SEC24D: variants seen among roughly 807,000 people sequenced by gnomAD.
The protein encoded by SEC24D is protein transport protein Sec24D.
A neutral mutation model predicts 116.9 loss-of-function variants in SEC24D; 69 were observed. The observed-to-expected ratio is 0.59, with a 90% CI of 0.49 to 0.72. The LOEUF is 0.72. Among genes scored for constraint, SEC24D ranks in the 30% least tolerant of loss-of-function variants. The pLI is 0.00. For missense variants in SEC24D, 1,131 were observed against 1,264.1 expected (o/e 0.89, Z 1.60); for synonymous variants, 405 against 442.8 (o/e 0.91, Z 1.07).
At chr4:118,731,227 T>C in intron 21 of SEC24D, 89 bp downstream of exon 21, 4 of 1,049,650 alleles carry the variant, frequency 3.8e-6, no homozygotes, top group Non-Finnish European at 5.7e-6. Context: ...ATTATTTTTC[T>C]TTCTGTAATA....
chr4:118,741,652 T>C (rs1194295479), intron 15 of SEC24D, among the ~76,000 whole-genome samples: 1 of 152,172 alleles, frequency 6.6e-6, no homozygotes, highest in African/African-American at 2.4e-5. Context: ...TGAAACTCTT[T>C]AGGAAATTCT....
At chr4:118,740,586 TG>T in intron 17 of SEC24D, 76 bp downstream of exon 17, 1 of 1,461,748 alleles carries the variant, frequency 6.8e-7, no homozygotes, top group South Asian at 1.2e-5. Flanking sequence ...ACACATTTGA[TG>T]GTATTTCAGT....
At chr4:118,750,211 G>A (rs1171888626) in intron 13 of SEC24D, among the ~76,000 whole-genome samples, 1 of 152,182 alleles carries the variant, frequency 6.6e-6, no homozygotes, top group Non-Finnish European at 1.5e-5. Context: ...AGCAACCTTG[G>A]AGAACATGGC....
chr4:118,732,270 G>A (rs2110431458), intron 20 of SEC24D, among the ~76,000 whole-genome samples: 1 of 152,158 alleles, frequency 6.6e-6, no homozygotes, highest in African/African-American at 2.4e-5. Context: ...ACGAGTAGCT[G>A]GGATTACAGG....
Position 118,815,697 on chromosome 4 carries a change from G to T in SEC24D, c.427C>A (p.Pro143Thr). The change falls in exon 5 of 23, where the codon CCC becomes ACC. Residue 143 changes from proline (P) to threonine (T), a missense_variant. Coordinates refer to ENST00000280551, the MANE Select transcript of SEC24D (RefSeq NM_014822.4). ...GATGTGGCTGACAGAGGGCCAGGGG[G>T]TCCCTGGCTTGGAGGAGCCATGCCT... ...GSGMAPPSQG[P>T]PGPLSATSLQ... The T allele has an allele frequency of 6.2e-7, 1 of 1,614,042 alleles. No individual in the cohort carries two copies. The highest frequency in any genetic ancestry group is 8.5e-7 in the Non-Finnish European group (1 of 1,179,988).
intron 13 of SEC24D, among the ~76,000 whole-genome samples, chr4:118,748,600 G>A (rs1726663429): frequency 6.6e-6 from 1 of 152,062 alleles, no homozygotes; most frequent in African/African-American, 2.4e-5. Flanking sequence ...GAGAGAGGCT[G>A]GCTTGGAGAA....
At position 118,797,758 on chromosome 4, in the gene SEC24D, C is replaced by T. The variant is rs776250592; in HGVS notation, c.966G>A (p.Thr322=). The T allele has an allele frequency of 5.0e-6, 8 of 1,611,262 alleles. No individual in the cohort carries two copies. The highest frequency in any genetic ancestry group is 2.2e-5 in the East Asian group (1 of 44,844). ...TCTGAGCTTGCTTAGCCATATCTGA[C>T]GTGCATGGAAAACAGTATGTTGTAC... ...IRCTTYCFPC[T]SDMAKQAQIP... The change falls in exon 8 of 23, where the codon ACG becomes ACA. Residue 322 remains threonine (T), a synonymous_variant. Coordinates refer to ENST00000280551, the MANE Select transcript of SEC24D (RefSeq NM_014822.4).
intron 10 of SEC24D, 191 bp downstream of exon 10, chr4:118,764,611 A>G: frequency 2.1e-6 from 1 of 486,008 alleles, no homozygotes; most frequent in Admixed American, 3.7e-5. Flanking sequence ...TAATTCCTCC[A>G]GTAGATGGTT....
intron 11 of SEC24D, among the ~76,000 whole-genome samples, chr4:118,756,317 G>A (rs999936785): frequency 6.6e-6 from 1 of 152,078 alleles, no homozygotes; most frequent in Admixed American, 6.6e-5. Context: ...GGCATCAGAC[G>A]CCTTTCTTAT....
chr4:118,726,185 G>A (rs1183307963), intron 22 of SEC24D, among the ~76,000 whole-genome samples: 1 of 152,174 alleles, frequency 6.6e-6, no homozygotes, highest in African/African-American at 2.4e-5. Context: ...CTAAAGCATG[G>A]GAGTGATTAG....
chr4:118,772,158 C>A (rs985995453), intron 8 of SEC24D, among the ~76,000 whole-genome samples: 1 of 152,056 alleles, frequency 6.6e-6, no homozygotes, highest in African/African-American at 2.4e-5. Context: ...AATCTGAATA[C>A]CCAAGCCTGG....
At chr4:118,743,310 A>G (rs1387032690) in intron 15 of SEC24D, among the ~76,000 whole-genome samples, 1 of 151,924 alleles carries the variant, frequency 6.6e-6, no homozygotes, top group Non-Finnish European at 1.5e-5. Context: ...CTTAGGAAGT[A>G]TGGAATTGCC....
At chr4:118,764,537 G>C (rs1047873769) in intron 10 of SEC24D, 1 of 321,500 alleles carries the variant, frequency 3.1e-6, no homozygotes. Context: ...GGTATATTCT[G>C]TCTGGCAAGG....
At chr4:118,834,470 C>T (rs1007567051) in intron 1 of SEC24D, among the ~76,000 whole-genome samples, 1 of 151,856 alleles carries the variant, frequency 6.6e-6, no homozygotes, top group Admixed American at 6.6e-5. Context: ...ACAAATATAA[C>T]AGACTCATCT....
chr4:118,739,007 A>C, intron 18 of SEC24D, 142 bp downstream of exon 18: 1 of 735,184 alleles, frequency 1.4e-6, no homozygotes, highest in Non-Finnish European at 2.3e-6. Flanking sequence ...AATGCTGACT[A>C]TTCTCTCTCA....
At chr4:118,818,559 G>A (rs1730249818) in intron 3 of SEC24D, among the ~76,000 whole-genome samples, 1 of 152,156 alleles carries the variant, frequency 6.6e-6, no homozygotes, top group African/African-American at 2.4e-5. Flanking sequence ...ATTACTCTGA[G>A]TGCATGACAT....
At chr4:118,766,601 G>A (rs1254504867) in intron 9 of SEC24D, 1 of 152,192 alleles carries the variant, frequency 6.6e-6, no homozygotes, top group Non-Finnish European at 1.5e-5. Flanking sequence ...AAGTGGCTGG[G>A]CCTTTTAAGG....
intron 11 of SEC24D, among the ~76,000 whole-genome samples, chr4:118,753,376 C>G (rs1428077855): frequency 6.6e-6 from 1 of 152,020 alleles, no homozygotes; most frequent in Non-Finnish European, 1.5e-5. Context: ...TCTTTTCTTA[C>G]ATATCAGAGA....
chr4:118,826,242 A>G (rs1409216703), intron 2 of SEC24D, among the ~76,000 whole-genome samples: 1 of 152,208 alleles, frequency 6.6e-6, no homozygotes, highest in Non-Finnish European at 1.5e-5. Context: ...AAAACATGAG[A>G]CTTGCAGTCA....
Sources: gnomAD v4.1 joint callset for allele counts (sites outside exome capture counted in the v4.1 genomes callset) on GRCh38, gnomAD v4.1.1 for gene constraint, MANE v1.5 for transcripts, NCBI Gene and HGNC (gene_info 2026-07-23, HGNC 2026-07-21) for gene names.